The following ADGRV1 variants were observed in gnomAD, a reference collection of about 807,000 sequenced individuals.
The protein encoded by ADGRV1 is G-protein coupled receptor 98.
In ADGRV1, 359 loss-of-function variants were observed where a neutral mutation model predicts 596.2. That is an observed-to-expected ratio of 0.60 (90% CI 0.55 to 0.66). The LOEUF is 0.66. Among genes scored for constraint, ADGRV1 ranks in the 30% least tolerant of loss-of-function variants. ADGRV1 has a pLI of 0.00. For synonymous variants in ADGRV1, 2,681 were observed against 2,679.2 expected (o/e 1.00, Z -0.02); for missense variants, 7,274 against 7,575.6 (o/e 0.96, Z 1.48).
At chr5:91,136,652 A>T (rs1794664294) in intron 87 of ADGRV1, among the ~76,000 whole-genome samples, 1 of 152,232 alleles carries the variant, frequency 6.6e-6, no homozygotes, top group African/African-American at 2.4e-5. Context: ...TTTATTTGAG[A>T]TGCATAAAAA....
At chr5:90,918,908 AGT>A (rs1773621520) in intron 83 of ADGRV1, among the ~76,000 whole-genome samples, 1 of 152,152 alleles carries the variant, frequency 6.6e-6, no homozygotes. Flanking sequence ...AGGAATTCAC[AGT>A]GTGCATAACC....
At chr5:90,583,939 G>T (rs187797171) in intron 1 of ADGRV1, among the ~76,000 whole-genome samples, 214 of 152,240 alleles carry the variant, frequency 1.4e-3, no homozygotes, top group African/African-American at 4.9e-3. Flanking sequence ...CTATTAGTAA[G>T]ATTTCTTTGT....
intron 45 of ADGRV1, among the ~76,000 whole-genome samples, chr5:90,721,652 T>TGG (rs5869514): frequency 3.8e-5 from 5 of 131,952 alleles, no homozygotes; most frequent in African/African-American, 7.9e-5. Context: ...ATTTAGGGGA[T>TGG]GGGGGTGACA....
intron 50 of ADGRV1, among the ~76,000 whole-genome samples, chr5:90,735,493 A>G (rs1181902834): frequency 6.6e-6 from 1 of 152,026 alleles, no homozygotes; most frequent in Non-Finnish European, 1.5e-5. Context: ...GTCTATTCAG[A>G]GTGTTTTGTG....
intron 76 of ADGRV1, among the ~76,000 whole-genome samples, chr5:90,827,404 C>A (rs563519647): frequency 6.6e-6 from 1 of 152,058 alleles, no homozygotes; most frequent in Non-Finnish European, 1.5e-5. Flanking sequence ...ATGTAGGCAC[C>A]CATCTTTACA....
At chr5:90,718,009 A>G (rs1406316332) in intron 43 of ADGRV1, 2 of 152,250 alleles carry the variant, frequency 1.3e-5, no homozygotes, top group Middle Eastern at 3.4e-3. Flanking sequence ...AAGATTTACC[A>G]TTTTCACCAT....
At chr5:90,628,946 T>G in intron 8 of ADGRV1, 114 bp downstream of exon 8, 1 of 973,956 alleles carries the variant, frequency 1.0e-6, no homozygotes, top group Non-Finnish European at 1.5e-6. Context: ...GGAAAAACAC[T>G]GGCTTTGCAA....
intron 84 of ADGRV1, among the ~76,000 whole-genome samples, chr5:90,980,159 A>G (rs113986282): frequency 1.2e-4 from 19 of 152,212 alleles, no homozygotes; most frequent in African/African-American, 4.6e-4. Context: ...TCAAGAGTAC[A>G]TCATCTTTCC....
chr5:90,738,772 C>G (rs1018662506), intron 50 of ADGRV1, among the ~76,000 whole-genome samples: 1 of 152,102 alleles, frequency 6.6e-6, no homozygotes, highest in Non-Finnish European at 1.5e-5. Flanking sequence ...TCTGGGTAAA[C>G]TCTTCATTGA....
At chr5:91,081,149 T>C (rs1336884491) in intron 86 of ADGRV1, among the ~76,000 whole-genome samples, 1 of 152,130 alleles carries the variant, frequency 6.6e-6, no homozygotes, top group Non-Finnish European at 1.5e-5. Context: ...CTCTCATGGA[T>C]GAGAGAGAAC....
At chr5:90,641,137 T>C (rs2149422303) in intron 11 of ADGRV1, among the ~76,000 whole-genome samples, 2 of 152,368 alleles carry the variant, frequency 1.3e-5, no homozygotes, top group East Asian at 3.9e-4. Flanking sequence ...TAATGACATT[T>C]AGACGAACTT....
intron 41 of ADGRV1, 143 bp from the exon 42 acceptor site, chr5:90,712,144 A>T (rs1030629035): frequency 5.7e-6 from 3 of 523,420 alleles, no homozygotes; most frequent in South Asian, 9.4e-5. Flanking sequence ...AAAAGATATA[A>T]ACCAAAATAT....
At chr5:90,723,069 C>A (rs924493544) in intron 45 of ADGRV1, among the ~76,000 whole-genome samples, 11 of 151,942 alleles carry the variant, frequency 7.2e-5, no homozygotes, top group African/African-American at 2.7e-4. Flanking sequence ...AAAATGAGAA[C>A]CTGGAAAATA....
At chr5:91,050,378 A>G (rs1185194479) in intron 85 of ADGRV1, among the ~76,000 whole-genome samples, 1 of 152,126 alleles carries the variant, frequency 6.6e-6, no homozygotes, top group Non-Finnish European at 1.5e-5. Context: ...TTTCATATAA[A>G]ATTAACAATT....
intron 85 of ADGRV1, among the ~76,000 whole-genome samples, chr5:91,020,841 T>C (rs1375116569): frequency 2.0e-5 from 3 of 152,050 alleles, no homozygotes; most frequent in Admixed American, 2.0e-4. Flanking sequence ...TCTAAATCTT[T>C]GAAATATTAT....
chr5:90,694,223 A>G lies in ADGRV1; in HGVS notation c.7467A>G (p.Val2489=), dbSNP rs1314513514. The change falls in exon 33 of 90, where the codon GTA becomes GTG. Residue 2489 remains valine (V), a synonymous_variant. Transcript: ENST00000405460. ...FWTYRKNMTR[V]ASLFSGQAVA... ...CCTACAGGAAAAACATGACCAGGGT[A>G]GCATCTCTTTTTAGTGGTCAGGCTG... The G allele has an allele frequency of 1.9e-6, 3 of 1,613,808 alleles. No individual in the cohort carries two copies. The highest frequency in any genetic ancestry group is 1.7e-6 in the Non-Finnish European group (2 of 1,179,852).
chr5:90,955,417 T>C (rs1777390816), intron 83 of ADGRV1, among the ~76,000 whole-genome samples: 1 of 152,168 alleles, frequency 6.6e-6, no homozygotes, highest in Admixed American at 6.6e-5. Flanking sequence ...GAGAGTCCTT[T>C]ATATGTTTGT....
At chr5:90,610,074 A>G (rs73179788) in intron 1 of ADGRV1, among the ~76,000 whole-genome samples, 2,876 of 152,066 alleles carry the variant, frequency 0.019, 82 homozygotes, top group African/African-American at 0.065. Context: ...GACATAGAAA[A>G]AAAGACTCTT....
chr5:91,060,097 C>T (rs749745869), intron 85 of ADGRV1, among the ~76,000 whole-genome samples: 142 of 152,218 alleles, frequency 9.3e-4, no homozygotes, highest in Middle Eastern at 3.4e-3. Flanking sequence ...AGACATAAGT[C>T]ATCTACAACT....
Sources: gnomAD v4.1 joint callset for allele counts (sites outside exome capture counted in the v4.1 genomes callset) on GRCh38, gnomAD v4.1.1 for gene constraint, MANE v1.5 for transcripts, NCBI Gene and HGNC (gene_info 2026-07-23, HGNC 2026-07-21) for gene names.